Variants in FOXO3 observed in about 807,000 individuals in gnomAD.
FOXO3 encodes forkhead box protein O3.
A neutral mutation model predicts 41.9 loss-of-function variants in FOXO3; 4 were observed. The observed-to-expected ratio is 0.10, with a 90% CI of 0.05 to 0.22. The LOEUF (loss-of-function observed/expected upper bound fraction) is 0.22. Among genes scored for constraint, FOXO3 ranks in the 10% least tolerant of loss-of-function variants. FOXO3 has a pLI of 1.00. For missense variants in FOXO3, 534 were observed against 906.8 expected, an observed-to-expected ratio of 0.59 and a Z score of 5.28; for synonymous variants, 318 against 389.3, an observed-to-expected ratio of 0.82 and a Z score of 2.16.
intron 1 of FOXO3, among the ~76,000 whole-genome samples, chr6:108,595,940 G>A (rs1461700345): frequency 6.6e-6 from 1 of 152,190 alleles, no homozygotes; most frequent in East Asian, 1.9e-4. Context: ...GATTCAGTAA[G>A]AAATATTTTA....
chr6:108,574,446 G>C (rs538713337), intron 1 of FOXO3, among the ~76,000 whole-genome samples: 7 of 152,236 alleles, frequency 4.6e-5, no homozygotes, highest in Admixed American at 1.3e-4. Context: ...GCACGTAGAT[G>C]AATGCAGGCA....
intron 1 of FOXO3, among the ~76,000 whole-genome samples, chr6:108,591,920 G>A (rs1776742494): frequency 6.6e-6 from 1 of 151,726 alleles, no homozygotes; most frequent in African/African-American, 2.4e-5. Flanking sequence ...ATAGTGACAT[G>A]TCAGTACAAA....
upstream of FOXO3, chr6:108,560,867 C>T (rs866095207): frequency 1.3e-4 from 112 of 858,336 alleles, no homozygotes; most frequent in South Asian, 3.7e-3. Flanking sequence ...GGCTGCCCCG[C>T]GCGAGGCCGT....
intron 1 of FOXO3, among the ~76,000 whole-genome samples, chr6:108,584,384 T>G (rs1033258598): frequency 2.0e-5 from 3 of 152,154 alleles, no homozygotes; most frequent in Non-Finnish European, 2.9e-5. Context: ...GATAAAAGTA[T>G]TACTGTAATC....
In FOXO3 at chr6:108,677,237, G is replaced by A. The variant is rs111601159; in HGVS notation, c.*35-2590G>A. Among the ~76,000 whole-genome samples, 534 of 152,332 alleles carry A rather than the reference G, an allele frequency of 3.5e-3. 1 individual carries two copies. Among genetic ancestry groups the A allele is most frequent in the South Asian group, 8.5e-3 (41 of 4,826 alleles). Reference sequence around the variant, plus strand: ...GGGAAAGTGGTGATTCACACATCTCGTTTTTAATAATGGAGTTCTCTGAAG... The same window carrying A: ...GGGAAAGTGGTGATTCACACATCTCATTTTTAATAATGGAGTTCTCTGAAG... On this transcript the variant is annotated intron_variant, in intron 2 of 2. Transcript: ENST00000406360.
intron 1 of FOXO3, among the ~76,000 whole-genome samples, chr6:108,571,966 C>T (rs1462194337): frequency 2.6e-5 from 4 of 152,036 alleles, no homozygotes. Context: ...TTTTTTTAAT[C>T]CTGCAGTGAG....
At chr6:108,671,088 G>A (rs1411108876) in intron 2 of FOXO3, among the ~76,000 whole-genome samples, 4 of 152,206 alleles carry the variant, frequency 2.6e-5, no homozygotes, top group African/African-American at 9.7e-5. Context: ...TGGAGCAGAG[G>A]TGCATGTGGT....
intron 2 of FOXO3, among the ~76,000 whole-genome samples, chr6:108,667,659 G>A (rs1434750764): frequency 6.6e-6 from 1 of 152,176 alleles, no homozygotes; most frequent in Non-Finnish European, 1.5e-5. Flanking sequence ...TCTGATTTTG[G>A]TGATGATAAT....
At chr6:108,568,993 C>T (rs1776019380) in intron 1 of FOXO3, among the ~76,000 whole-genome samples, 2 of 152,216 alleles carry the variant, frequency 1.3e-5, no homozygotes, top group Non-Finnish European at 2.9e-5. Flanking sequence ...GTATCATCAA[C>T]ATGCAGTGTC....
chr6:108,666,876 G>A (rs746556941), intron 2 of FOXO3, among the ~76,000 whole-genome samples: 5 of 152,146 alleles, frequency 3.3e-5, no homozygotes, highest in African/African-American at 4.8e-5. Flanking sequence ...GTTCTGTTCC[G>A]TGCCCCAGCC....
At chr6:108,568,035 C>T (rs1288141190) in intron 1 of FOXO3, among the ~76,000 whole-genome samples, 9 of 149,412 alleles carry the variant, frequency 6.0e-5, no homozygotes, top group Non-Finnish European at 1.2e-4. Flanking sequence ...GTAACAAGAG[C>T]GAAACTCCAT....
chr6:108,593,461 T>A (rs1776785674), intron 1 of FOXO3, among the ~76,000 whole-genome samples: 1 of 151,882 alleles, frequency 6.6e-6, no homozygotes, highest in Non-Finnish European at 1.5e-5. Context: ...CACTGTAACC[T>A]CTGCCACCTG....
At chr6:108,663,149 G>A (rs1425120128) in intron 1 of FOXO3, among the ~76,000 whole-genome samples, 2 of 152,158 alleles carry the variant, frequency 1.3e-5, no homozygotes, top group East Asian at 3.9e-4. Context: ...AACGTGGGAG[G>A]ATCTCTTGAG....
chr6:108,575,574 A>G (rs1328843559), intron 1 of FOXO3, among the ~76,000 whole-genome samples: 3 of 152,218 alleles, frequency 2.0e-5, no homozygotes, highest in Non-Finnish European at 4.4e-5. Flanking sequence ...TTTATCTTAC[A>G]CATAGCTGTT....
At position 108,680,615 on chromosome 6, in the gene FOXO3, G is replaced by A. The variant is rs1770807523; in HGVS notation, c.*823G>A. ...GTAGGGCCTGTGATTTCCTGTCAGT[G>A]TCCTCAGCTAATGTGAACAGTGTTG... On this transcript the variant is annotated 3_prime_UTR_variant, in exon 3 of 3. Coordinates refer to ENST00000406360, the MANE Select transcript of FOXO3 (RefSeq NM_001455.4). 2 of 152,592 alleles carry A rather than the reference G, an allele frequency of 1.3e-5. No homozygotes were observed. Among genetic ancestry groups the A allele is most frequent in the South Asian group, 2.1e-4 (1 of 4,834 alleles). The allele number at this position is 152,592 out of a possible 1,614,324, so 9.5% of individuals were successfully genotyped here.
At chr6:108,673,698 C>T (rs1770454718) in intron 2 of FOXO3, among the ~76,000 whole-genome samples, 1 of 152,156 alleles carries the variant, frequency 6.6e-6, no homozygotes, top group Admixed American at 6.5e-5. Flanking sequence ...CATTTCCACC[C>T]ACCCTCCAGG....
intron 1 of FOXO3, among the ~76,000 whole-genome samples, chr6:108,613,600 A>G (rs1453120388): frequency 6.6e-6 from 1 of 152,078 alleles, no homozygotes; most frequent in Non-Finnish European, 1.5e-5. Flanking sequence ...GATGTTGATA[A>G]TTTGTCTTAA....
chr6:108,583,871 A>C (rs1776501784), intron 1 of FOXO3, among the ~76,000 whole-genome samples: 1 of 152,238 alleles, frequency 6.6e-6, no homozygotes, highest in African/African-American at 2.4e-5. Context: ...AAATAAAAAT[A>C]CAGCACATTT....
intron 1 of FOXO3, among the ~76,000 whole-genome samples, chr6:108,636,587 C>G (rs528816408): frequency 3.4e-4 from 51 of 152,228 alleles, no homozygotes; most frequent in African/African-American, 1.0e-3. Context: ...GGTGACTAGA[C>G]CAGACCAGCC....
Sources: allele counts gnomAD v4.1 joint callset (sites outside exome capture counted in the v4.1 genomes callset), GRCh38; gene constraint gnomAD v4.1.1; transcripts MANE v1.5; gene names NCBI Gene and HGNC (gene_info 2026-07-23, HGNC 2026-07-21).